The following KIF6 variants were observed in gnomAD, a reference collection of about 807,000 sequenced individuals.
KIF6 encodes kinesin family member 6, also known as kinesin-like protein KIF6.
Under a neutral mutation model 112.7 loss-of-function variants are expected in KIF6, and 106 were observed. The observed-to-expected ratio is 0.94, with a 90% CI of 0.80 to 1.11. KIF6 has a LOEUF of 1.11. Ranked by LOEUF, KIF6 falls within the 50% of genes least tolerant of loss-of-function variation. KIF6 has a pLI of 0.00. For missense variants in KIF6, 929 were observed against 964.0 expected (o/e 0.96, Z 0.48); for synonymous variants, 339 against 339.9 (o/e 1.00, Z 0.03).
intron 3 of KIF6, 144 bp downstream of exon 3, chr6:39,714,548 A>G: frequency 1.6e-6 from 1 of 609,518 alleles, no homozygotes; most frequent in Non-Finnish European, 3.0e-6. Context: ...TTATAGGAAC[A>G]GAAGGTATTA....
intron 10 of KIF6, among the ~76,000 whole-genome samples, chr6:39,558,733 C>G (rs9369126): frequency 0.041 from 6,284 of 152,258 alleles, 321 homozygotes; most frequent in East Asian, 0.28. Flanking sequence ...AAAGAGCTGT[C>G]TAGGCCAAAA....
intron 13 of KIF6, among the ~76,000 whole-genome samples, chr6:39,457,702 C>G (rs984202841): frequency 6.6e-6 from 1 of 152,020 alleles, no homozygotes; most frequent in Non-Finnish European, 1.5e-5. Context: ...ACCACCGATC[C>G]CACAGAAATA....
In KIF6 at chr6:39,330,103, G is replaced by C. The variant is rs1326230011; in HGVS notation, c.*6429C>G. On this transcript the variant is annotated 3_prime_UTR_variant, in exon 23 of 23. Transcript: ENST00000287152. ...GCGCAGGTCTGGTGGCCCAATCCCA[G>C]GTAGTGCCATAAAAGAAATGCCACA... The C allele has an allele frequency of 1.3e-5, 2 of 152,162 alleles. No homozygotes were observed. The highest frequency in any genetic ancestry group is 4.8e-5 in the African/African-American group (2 of 41,434). 9.4% of individuals were successfully genotyped at this position (152,162 alleles called of 1,614,324 possible). A position where few individuals can be genotyped will look rare whatever the true frequency, so the allele number is the denominator to read the frequency against.
chr6:39,562,623 A>T (rs1042374119), intron 10 of KIF6, among the ~76,000 whole-genome samples: 3 of 152,232 alleles, frequency 2.0e-5, no homozygotes, highest in Admixed American at 2.0e-4. Context: ...CTTGAGACAG[A>T]CCAAACAGGA....
intron 7 of KIF6, among the ~76,000 whole-genome samples, chr6:39,595,658 T>C (rs1470975321): frequency 1.3e-5 from 2 of 152,154 alleles, no homozygotes; most frequent in African/African-American, 4.8e-5. Flanking sequence ...TGCTACAATA[T>C]GGATGAATCT....
chr6:39,651,207 C>T lies in KIF6; in HGVS notation c.252-11450G>A, dbSNP rs1375875030. Reference sequence around the variant, plus strand: ...GTTTTCCTAGAGACTCCATCCTTTTCCTTGCCAAGTGTAAAGTAAATCGAG... The same window carrying T: ...GTTTTCCTAGAGACTCCATCCTTTTTCTTGCCAAGTGTAAAGTAAATCGAG... On this transcript the variant is annotated intron_variant, in intron 3 of 22. Transcript: ENST00000287152. Among the ~76,000 whole-genome samples the T allele has an allele frequency of 2.6e-5, 4 of 152,196 alleles. No homozygotes were observed. In the East Asian group the frequency reaches 7.7e-4, roughly 29 times the overall value.
intron 10 of KIF6, among the ~76,000 whole-genome samples, chr6:39,546,207 G>A (rs1311470174): frequency 1.3e-5 from 2 of 151,992 alleles, no homozygotes; most frequent in Admixed American, 1.3e-4. Context: ...CTTCTTTATT[G>A]GTGAAAGCCA....
intron 13 of KIF6, among the ~76,000 whole-genome samples, chr6:39,503,862 A>G (rs1776280160): frequency 1.4e-5 from 2 of 144,318 alleles, no homozygotes; most frequent in South Asian, 4.3e-4. Context: ...AAAAAAAAAA[A>G]AAGAAAAAAG....
chr6:39,658,387 T>C (rs1219928006), intron 3 of KIF6, among the ~76,000 whole-genome samples: 4 of 152,080 alleles, frequency 2.6e-5, no homozygotes, highest in Non-Finnish European at 5.9e-5. Context: ...GTTCGGAAAA[T>C]AAAAACAAAA....
chr6:39,422,187 T>C (rs530240002), intron 14 of KIF6, among the ~76,000 whole-genome samples: 68 of 152,178 alleles, frequency 4.5e-4, no homozygotes, highest in Middle Eastern at 3.4e-3. Context: ...AGAGTACAGA[T>C]AGAAAAGGAA....
intron 5 of KIF6, among the ~76,000 whole-genome samples, chr6:39,621,196 GAC>G (rs55752326): frequency 0.051 from 6,871 of 135,712 alleles, 209 homozygotes; most frequent in Middle Eastern, 0.082. Context: ...CCGTAAGATA[GAC>G]ACACACACAC....
intron 3 of KIF6, among the ~76,000 whole-genome samples, chr6:39,696,056 G>A (rs1056387740): frequency 3.9e-5 from 6 of 152,152 alleles, no homozygotes; most frequent in Non-Finnish European, 8.8e-5. Flanking sequence ...ATGTTCTCAC[G>A]TGTAAGTGGG....
intron 3 of KIF6, among the ~76,000 whole-genome samples, chr6:39,696,763 T>C (rs1374390339): frequency 6.6e-6 from 1 of 152,118 alleles, no homozygotes; most frequent in African/African-American, 2.4e-5. Flanking sequence ...TTTGTGTGTG[T>C]GTGTACAGTG....
chr6:39,635,938 T>A (rs1481947637), intron 4 of KIF6, among the ~76,000 whole-genome samples: 1 of 151,932 alleles, frequency 6.6e-6, no homozygotes, highest in Non-Finnish European at 1.5e-5. Flanking sequence ...GGTGTCAGAG[T>A]GTATACTAAC....
At chr6:39,410,102 A>G (rs1769376086) in intron 15 of KIF6, among the ~76,000 whole-genome samples, 1 of 152,206 alleles carries the variant, frequency 6.6e-6, no homozygotes, top group South Asian at 2.1e-4. Flanking sequence ...GCCTGGAGGG[A>G]CCACACGCTT....
At chr6:39,505,795 AC>A (rs1447979921) in intron 13 of KIF6, among the ~76,000 whole-genome samples, 1 of 152,204 alleles carries the variant, frequency 6.6e-6, no homozygotes, top group Non-Finnish European at 1.5e-5. Flanking sequence ...GATCAAAACC[AC>A]AAGGAGACAC....
At chr6:39,698,210 T>C (rs1788668943) in intron 3 of KIF6, among the ~76,000 whole-genome samples, 1 of 152,220 alleles carries the variant, frequency 6.6e-6, no homozygotes, top group Non-Finnish European at 1.5e-5. Flanking sequence ...GATTTTCATG[T>C]ACTGATAGAA....
intron 15 of KIF6, among the ~76,000 whole-genome samples, chr6:39,400,551 T>C (rs966943861): frequency 1.3e-5 from 2 of 152,146 alleles, no homozygotes; most frequent in African/African-American, 4.8e-5. Flanking sequence ...GGCCAAGGAA[T>C]TAATAAAGGA....
chr6:39,483,271 G>A (rs912283793), intron 13 of KIF6, among the ~76,000 whole-genome samples: 1 of 152,174 alleles, frequency 6.6e-6, no homozygotes, highest in Non-Finnish European at 1.5e-5. Context: ...TATTGCATAA[G>A]CTGTGTAAAT....
Sources: allele counts gnomAD v4.1 joint callset (sites outside exome capture counted in the v4.1 genomes callset), GRCh38; gene constraint gnomAD v4.1.1; transcripts MANE v1.5; gene names NCBI Gene and HGNC (gene_info 2026-07-23, HGNC 2026-07-21).